The following KCNQ3 variants were observed in gnomAD, a reference collection of about 807,000 sequenced individuals.
KCNQ3 encodes the protein potassium voltage-gated channel subfamily Q member 3.
KCNQ3 carries 30 observed loss-of-function variants against 92.5 expected under a neutral mutation model. The observed-to-expected ratio is 0.32, with a 90% CI of 0.24 to 0.44. KCNQ3 has a LOEUF of 0.44. KCNQ3 is among the 20% of genes least tolerant of loss of function. The pLI is 1.00. For missense variants in KCNQ3, 913 were observed against 1,140.3 expected (o/e 0.80, Z 2.87); for synonymous variants, 450 against 468.8 (o/e 0.96, Z 0.52).
intron 6 of KCNQ3, 122 bp from the exon 7 acceptor site, chr8:132,172,815 A>G: frequency 4.0e-6 from 3 of 743,808 alleles, no homozygotes; most frequent in Admixed American, 1.9e-5. Context: ...CAGTGACAAC[A>G]CTGTACAAAG....
intron 1 of KCNQ3, among the ~76,000 whole-genome samples, chr8:132,426,517 C>A (rs977601692): frequency 6.6e-6 from 1 of 152,214 alleles, no homozygotes; most frequent in South Asian, 2.1e-4. Context: ...GTGTCCTCCC[C>A]CTGGGGCTGT....
At chr8:132,328,165 C>A (rs1364587651) in intron 1 of KCNQ3, among the ~76,000 whole-genome samples, 4 of 152,094 alleles carry the variant, frequency 2.6e-5, no homozygotes. Flanking sequence ...AAGGCAAACA[C>A]CCAGGAATAG....
At chr8:132,310,714 G>C (rs1415499365) in intron 1 of KCNQ3, among the ~76,000 whole-genome samples, 1 of 152,206 alleles carries the variant, frequency 6.6e-6, no homozygotes, top group African/African-American at 2.4e-5. Context: ...TCCACCCCTA[G>C]AACATCTGGA....
intron 1 of KCNQ3, among the ~76,000 whole-genome samples, chr8:132,242,523 G>C (rs1417325010): frequency 6.6e-6 from 1 of 152,172 alleles, no homozygotes; most frequent in Non-Finnish European, 1.5e-5. Context: ...CAGAGCTTAA[G>C]TTCAACATCT....
At chr8:132,279,075 T>C (rs902999663) in intron 1 of KCNQ3, among the ~76,000 whole-genome samples, 1 of 151,994 alleles carries the variant, frequency 6.6e-6, no homozygotes, top group Admixed American at 6.6e-5. Flanking sequence ...AAAAATCAGC[T>C]GGGCTTGGTG....
intron 1 of KCNQ3, among the ~76,000 whole-genome samples, chr8:132,354,898 G>A (rs1818975910): frequency 6.6e-6 from 1 of 152,112 alleles, no homozygotes; most frequent in African/African-American, 2.4e-5. Flanking sequence ...CACTGGTTCT[G>A]GGGATGGGTT....
At chr8:132,155,180 C>T (rs1317287323) in intron 9 of KCNQ3, among the ~76,000 whole-genome samples, 1 of 152,210 alleles carries the variant, frequency 6.6e-6, no homozygotes, top group African/African-American at 2.4e-5. Flanking sequence ...ATCTGCTCCT[C>T]CCATCAGATT....
chr8:132,174,288 A>G lies in KCNQ3; in HGVS notation c.995T>C (p.Ile332Thr). ...GCCAATTAAGGAAAAGGTGGCGGCA[A>G]TCAGACGGCCTTCCCACGTTTTGGG... ...KTPKTWEGRL[I>T]AATFSLIGVS... is the part of the protein sequence containing the mutation. Residue 332 changes from isoleucine (I) to threonine (T), a missense_variant, in exon 6 of 15, where the codon ATT becomes ACT. By Grantham distance (89) the Ile-to-Thr change is moderately conservative (BLOSUM62 -1). This residue lies in a region of KCNQ3 where 52 missense variants were observed against 127.7 expected (regional missense o/e 0.41). Transcript: ENST00000388996. 1 of 1,552,268 alleles carries G rather than the reference A, an allele frequency of 6.4e-7. No homozygotes were observed. The highest frequency in any genetic ancestry group is 8.7e-7 in the Non-Finnish European group (1 of 1,147,300).
intron 1 of KCNQ3, among the ~76,000 whole-genome samples, chr8:132,431,585 C>T (rs1384757229): frequency 3.9e-5 from 6 of 152,056 alleles, no homozygotes; most frequent in Non-Finnish European, 8.8e-5. Flanking sequence ...GCCTGGCTCA[C>T]CTGAGAGAGG....
chr8:132,367,282 G>A (rs189991810), intron 1 of KCNQ3, among the ~76,000 whole-genome samples: 101 of 152,146 alleles, frequency 6.6e-4, no homozygotes, highest in African/African-American at 2.2e-3. Context: ...ATAAGATTAT[G>A]AGACCTTCCT....
rs181166117 is a variant in KCNQ3 at position 132,126,001 on chromosome 8, G to A, written c.*3261C>T. On this transcript the variant is annotated 3_prime_UTR_variant, in exon 15 of 15. Coordinates refer to ENST00000388996, the MANE Select transcript of KCNQ3 (RefSeq NM_004519.4). ...TCTCAGCTCAATAGGATCATGTTTC[G>A]CTTAACATTTGTGAAGTTGATTTAT... 7.2e-5 allele frequency: 11 copies of A among 152,146 alleles called. No individual in the cohort carries two copies. In the East Asian group the frequency reaches 1.5e-3, roughly 21 times the overall value. The allele number at this position is 152,146 out of a possible 1,614,324, so 9.4% of individuals were successfully genotyped here.
At chr8:132,137,389 G>A (rs536376738) in intron 12 of KCNQ3, among the ~76,000 whole-genome samples, 5 of 152,252 alleles carry the variant, frequency 3.3e-5, no homozygotes, top group African/African-American at 1.2e-4. Flanking sequence ...AATATCTTGT[G>A]ATTTCATAAG....
At chr8:132,247,537 A>G (rs1815220465) in intron 1 of KCNQ3, among the ~76,000 whole-genome samples, 1 of 152,140 alleles carries the variant, frequency 6.6e-6, no homozygotes, top group Non-Finnish European at 1.5e-5. Context: ...CTGTAATCTC[A>G]GCACTTTCAG....
chr8:132,208,885 C>T (rs1388194483), intron 1 of KCNQ3, among the ~76,000 whole-genome samples: 1 of 152,152 alleles, frequency 6.6e-6, no homozygotes, highest in African/African-American at 2.4e-5. Context: ...CCATACGTCT[C>T]CCTCCTAAAA....
rs777793487 is a variant in KCNQ3 at position 132,172,431 on chromosome 8, C to CACACACACACACACACAG, written c.1140+166_1140+167insCTGTGTGTGTGTGTGTGT. On this transcript the variant is annotated intron_variant, in intron 7 of 14. Coordinates refer to ENST00000388996, the MANE Select transcript of KCNQ3 (RefSeq NM_004519.4). ...ACACACACACACACACACACACACA[C>CACACACACACACACACAG]ACACAGACACACAAGACACACAGAC... 3.8e-3 allele frequency among the ~76,000 whole-genome samples: 567 copies of CACACACACACACACACAG among 150,700 alleles called. 2 individuals carry two copies. Among genetic ancestry groups the CACACACACACACACACAG allele is most frequent in the South Asian group, 0.019 (90 of 4,650 alleles).
chr8:132,470,383 A>C (rs1822270814), intron 1 of KCNQ3, among the ~76,000 whole-genome samples: 1 of 152,232 alleles, frequency 6.6e-6, no homozygotes, highest in South Asian at 2.1e-4. Context: ...TATTCTCTTT[A>C]CCTGGCTTCA....
In KCNQ3 at chr8:132,415,395, T is replaced by G. The variant is rs755482212; in HGVS notation, c.386+64752A>C. On this transcript the variant is annotated intron_variant, in intron 1 of 14. Transcript: ENST00000388996. ...CCTGGCATTTCCTCTAACATGGTGCTTAGAATGTCACCACCATCACCACCC... is the reference window on the plus strand; with the variant it reads ...CCTGGCATTTCCTCTAACATGGTGCGTAGAATGTCACCACCATCACCACCC... Among the ~76,000 whole-genome samples, 56 of 152,186 alleles carry G rather than the reference T, an allele frequency of 3.7e-4. 1 individual carries two copies. The highest frequency in any genetic ancestry group is 1.9e-4 in the Non-Finnish European group (13 of 68,032).
At chr8:132,419,245 G>GCACCTTT (rs1320224800) in intron 1 of KCNQ3, among the ~76,000 whole-genome samples, 1 of 152,142 alleles carries the variant, frequency 6.6e-6, no homozygotes, top group Non-Finnish European at 1.5e-5. Flanking sequence ...CTTAACCACA[G>GCACCTTT]CACCTTTCAT....
intron 1 of KCNQ3, among the ~76,000 whole-genome samples, chr8:132,290,744 A>G (rs1482509671): frequency 6.6e-6 from 1 of 152,204 alleles, no homozygotes; most frequent in Non-Finnish European, 1.5e-5. Context: ...GAACAGGATG[A>G]GATTTTTGAG....
Sources: gnomAD v4.1 joint callset for allele counts (sites outside exome capture counted in the v4.1 genomes callset) on GRCh38, gnomAD v4.1.1 for gene constraint, gnomAD v4.1.1 regional missense constraint, MANE v1.5 for transcripts, NCBI Gene and HGNC (gene_info 2026-07-23, HGNC 2026-07-21) for gene names.